CACHD1: variants seen among roughly 807,000 people sequenced by gnomAD.
CACHD1 encodes cache domain containing 1, also known as VWFA and cache domain-containing protein 1.
Under a neutral mutation model 138.7 loss-of-function variants are expected in CACHD1, and 71 were observed. The ratio of observed to expected loss-of-function variants is 0.51; its 90% CI spans 0.42 to 0.62. The LOEUF (loss-of-function observed/expected upper bound fraction) is 0.62. Among genes scored for constraint, CACHD1 ranks in the 20% least tolerant of loss-of-function variants. The pLI, the probability that CACHD1 is intolerant of heterozygous loss-of-function variation, is 0.00. For missense variants in CACHD1, 1,389 were observed against 1,625.3 expected (o/e 0.85, Z 2.50); for synonymous variants, 578 against 591.5 (o/e 0.98, Z 0.33).
At chr1:64,657,237 T>C (rs1184242361) in intron 12 of CACHD1, among the ~76,000 whole-genome samples, 1 of 152,164 alleles carries the variant, frequency 6.6e-6, no homozygotes, top group Non-Finnish European at 1.5e-5. Context: ...TCCCAACCCA[T>C]AGAGAGCCCT....
chr1:64,627,908 T>G (rs1031717288), intron 4 of CACHD1, among the ~76,000 whole-genome samples: 1 of 151,568 alleles, frequency 6.6e-6, no homozygotes, highest in Non-Finnish European at 1.5e-5. Context: ...TAACTGGGGG[T>G]GGGGAGGGAG....
At chr1:64,503,257 C>T (rs1646350034) in intron 1 of CACHD1, among the ~76,000 whole-genome samples, 1 of 152,102 alleles carries the variant, frequency 6.6e-6, no homozygotes, top group South Asian at 2.1e-4. Flanking sequence ...TGTTTTGGTA[C>T]AGTTGTCTAA....
chr1:64,589,345 C>T (rs187060177), intron 3 of CACHD1, among the ~76,000 whole-genome samples: 1 of 152,218 alleles, frequency 6.6e-6, no homozygotes, highest in African/African-American at 2.4e-5. Context: ...GGGTATTGTG[C>T]TGCAGACAAA....
chr1:64,594,712 TA>T (rs1393215479), intron 3 of CACHD1, among the ~76,000 whole-genome samples: 1 of 152,256 alleles, frequency 6.6e-6, no homozygotes, highest in Non-Finnish European at 1.5e-5. Context: ...GGATTTTAAA[TA>T]GAGATGGTTT....
chr1:64,550,872 A>G (rs1230776910), intron 2 of CACHD1, among the ~76,000 whole-genome samples: 2 of 152,210 alleles, frequency 1.3e-5, no homozygotes, highest in Non-Finnish European at 2.9e-5. Flanking sequence ...CCACGCTATA[A>G]TTTGGAACTA....
intron 2 of CACHD1, among the ~76,000 whole-genome samples, chr1:64,565,947 G>A (rs1175697200): frequency 1.3e-5 from 2 of 152,138 alleles, no homozygotes; most frequent in Admixed American, 6.5e-5. Flanking sequence ...CGTATTGAAT[G>A]TATGATTAAT....
At chr1:64,678,090 G>A (rs2100731182) in intron 22 of CACHD1, 69 bp from the exon 23 acceptor site, 1 of 1,501,796 alleles carries the variant, frequency 6.7e-7, no homozygotes, top group South Asian at 1.3e-5. Context: ...ACTGTCTGAT[G>A]CCCACACTTA....
chr1:64,482,147 T>G (rs982440063), intron 1 of CACHD1, among the ~76,000 whole-genome samples: 15 of 152,204 alleles, frequency 9.9e-5, no homozygotes, highest in African/African-American at 3.6e-4. Context: ...AGTTTTTCTG[T>G]GATCATTGCA....
intron 2 of CACHD1, among the ~76,000 whole-genome samples, chr1:64,566,228 AT>A (rs1221369649): frequency 1.3e-5 from 2 of 152,026 alleles, no homozygotes; most frequent in Admixed American, 1.3e-4. Flanking sequence ...GAGGGCGTGG[AT>A]TTTTGTCTGT....
intron 2 of CACHD1, 108 bp downstream of exon 2, chr1:64,550,764 C>A: frequency 1.4e-6 from 1 of 714,730 alleles, no homozygotes; most frequent in East Asian, 2.7e-5. Flanking sequence ...TTCTTTCTCT[C>A]TGTATAATTT....
intron 2 of CACHD1, among the ~76,000 whole-genome samples, chr1:64,553,807 C>T (rs1646777401): frequency 6.6e-6 from 1 of 151,942 alleles, no homozygotes; most frequent in Admixed American, 6.6e-5. Flanking sequence ...GTACTTATCC[C>T]CAAATTAATT....
chr1:64,498,786 T>G (rs1646321317), intron 1 of CACHD1, among the ~76,000 whole-genome samples: 1 of 152,252 alleles, frequency 6.6e-6, no homozygotes, highest in Admixed American at 6.5e-5. Context: ...TCTCCTATTC[T>G]TGAGTAAGGT....
chr1:64,607,413 G>T (rs1347850213), intron 4 of CACHD1, among the ~76,000 whole-genome samples: 1 of 152,136 alleles, frequency 6.6e-6, no homozygotes, highest in Admixed American at 6.5e-5. Context: ...AGGGTTGTTT[G>T]GTAGAATAGT....
chr1:64,581,667 G>T (rs1647013556), intron 2 of CACHD1, among the ~76,000 whole-genome samples: 1 of 152,198 alleles, frequency 6.6e-6, no homozygotes, highest in South Asian at 2.1e-4. Flanking sequence ...TGAGAATGGT[G>T]TCCCCTGGGA....
intron 2 of CACHD1, chr1:64,563,534 G>A (rs1646858301): frequency 6.6e-6 from 1 of 152,120 alleles, no homozygotes; most frequent in Non-Finnish European, 1.5e-5. Context: ...ACTTACATGT[G>A]GCCTACAAAC....
chr1:64,641,372 T>C (rs528678683), intron 7 of CACHD1, among the ~76,000 whole-genome samples: 94 of 152,224 alleles, frequency 6.2e-4, no homozygotes, highest in Non-Finnish European at 1.1e-3. Context: ...TAACATTATG[T>C]GCCTGAAGAG....
At chr1:64,535,080 CT>C (rs1646620875) in intron 1 of CACHD1, among the ~76,000 whole-genome samples, 1 of 152,218 alleles carries the variant, frequency 6.6e-6, no homozygotes, top group African/African-American at 2.4e-5. Flanking sequence ...TCTTCTCTTT[CT>C]CCTGTCCTCT....
At chr1:64,642,072 G>C in intron 8 of CACHD1, 103 bp downstream of exon 8, 1 of 1,129,550 alleles carries the variant, frequency 8.9e-7, no homozygotes, top group Non-Finnish European at 1.2e-6. Context: ...TTGGATGAAG[G>C]CTACGGGAAA....
At chr1:64,536,517 G>A (rs1466968930) in intron 1 of CACHD1, among the ~76,000 whole-genome samples, 2 of 152,084 alleles carry the variant, frequency 1.3e-5, no homozygotes, top group African/African-American at 2.4e-5. Flanking sequence ...TTTCTAGTTC[G>A]GTGTGCAGTA....
Sources: gnomAD v4.1 joint callset for allele counts (sites outside exome capture counted in the v4.1 genomes callset) on GRCh38, gnomAD v4.1.1 for gene constraint, MANE v1.5 for transcripts, NCBI Gene and HGNC (gene_info 2026-07-23, HGNC 2026-07-21) for gene names.